FOLH1: variants seen among roughly 807,000 people sequenced by gnomAD.
FOLH1 encodes the protein folate hydrolase 1.
FOLH1 carries 54 observed loss-of-function variants against 93.9 expected under a neutral mutation model. The observed-to-expected ratio is 0.57, with a 90% CI of 0.46 to 0.72. The LOEUF (loss-of-function observed/expected upper bound fraction) is 0.72. Ranked by LOEUF, FOLH1 falls within the 30% of genes least tolerant of loss-of-function variation. The pLI, the probability that FOLH1 is intolerant of heterozygous loss-of-function variation, is 0.00. For synonymous variants in FOLH1, 249 were observed against 303.6 expected (o/e 0.82, Z 1.87); for missense variants, 571 against 892.5 (o/e 0.64, Z 4.59).
In FOLH1 at chr11:49,174,880, C is replaced by T. The variant is rs760831552; in HGVS notation, c.1105+12G>A. 34 of 1,594,506 alleles carry T rather than the reference C, an allele frequency of 2.1e-5. 1 individual carries two copies. The highest frequency in any genetic ancestry group is 2.0e-4 in the Admixed American group (12 of 58,790). ...ACTTGATCAATATTTGCTAAGCAAA[C>T]GATTCCTTTACCTGGTTCCACTGCT... On this transcript the variant is annotated intron_variant, in intron 9 of 18. Coordinates refer to ENST00000256999, the MANE Select transcript of FOLH1 (RefSeq NM_004476.3).
chr11:49,208,250 C>CG (rs1565227563), intron 1 of FOLH1, 42 bp downstream of exon 1: 1 of 1,382,650 alleles, frequency 7.2e-7, no homozygotes, highest in South Asian at 1.4e-5. Context: ...CGCGGCACCA[C>CG]GGGGAAGACT....
chr11:49,149,535 C>A (rs921346574), intron 17 of FOLH1, among the ~76,000 whole-genome samples: 1 of 152,114 alleles, frequency 6.6e-6, no homozygotes, highest in Non-Finnish European at 1.5e-5. Flanking sequence ...TTGTGGAACA[C>A]ATGGCTAGTA....
intron 3 of FOLH1, among the ~76,000 whole-genome samples, chr11:49,194,158 A>G (rs1377599833): frequency 6.6e-6 from 1 of 151,572 alleles, no homozygotes; most frequent in Non-Finnish European, 1.5e-5. Context: ...AAAAAAAAGA[A>G]CAACAATATC....
Position 49,153,920 on chromosome 11 carries a change from A to G in FOLH1, c.1896T>C (p.Leu632=). Residue 632 remains leucine (L), a synonymous_variant, in exon 17 of 19, where the codon CTT becomes CTC. Transcript: ENST00000256999. ...CTGTAAAATTCTTTACTGCAGAAAA[A>G]AGTGAATCTGAAATAGAAATTGGGA... ...MKTYSVSFDS[L]FSAVKNFTEI... is the part of the protein sequence containing the mutation. The G allele has an allele frequency of 6.2e-7, 1 of 1,602,928 alleles. No individual in the cohort carries two copies. Among genetic ancestry groups the G allele is most frequent in the Non-Finnish European group, 8.5e-7 (1 of 1,175,434 alleles).
At position 49,154,834 on chromosome 11, in the gene FOLH1, A is replaced by G. The variant is rs116039643; in HGVS notation, c.1624-342T>C. On this transcript the variant is annotated intron_variant, in intron 15 of 18. Transcript: ENST00000256999. ...CAAGACAATCTTGCATTTGGATAAA[A>G]AGAAGACGAATTGTTAAAGGCAAGT... Among the ~76,000 whole-genome samples the G allele has an allele frequency of 5.8e-3, 886 of 152,272 alleles. 10 individuals carry two copies. Among genetic ancestry groups the G allele is most frequent in the African/African-American group, 0.021 (858 of 41,574 alleles).
At chr11:49,148,557 T>C in intron 18 of FOLH1, 82 bp downstream of exon 18, 1 of 1,064,660 alleles carries the variant, frequency 9.4e-7, no homozygotes, top group Non-Finnish European at 1.4e-6. Context: ...TCAACTACAA[T>C]ATTTTTTCCA....
intron 7 of FOLH1, among the ~76,000 whole-genome samples, chr11:49,176,956 T>C (rs924915253): frequency 5.3e-5 from 8 of 152,236 alleles, no homozygotes; most frequent in African/African-American, 1.7e-4. Context: ...CCTGTAAGGC[T>C]TTCTCTGCGG....
At chr11:49,198,141 T>C (rs775064725) in intron 3 of FOLH1, among the ~76,000 whole-genome samples, 7 of 151,558 alleles carry the variant, frequency 4.6e-5, no homozygotes, top group East Asian at 1.9e-4. Flanking sequence ...AAATAAGCAA[T>C]GGTATAGTCA....
chr11:49,156,567 T>G, intron 15 of FOLH1, 150 bp downstream of exon 15: 1 of 966,898 alleles, frequency 1.0e-6, no homozygotes, highest in Non-Finnish European at 1.6e-6. Flanking sequence ...TTATCCTACG[T>G]AGTAGTGATA....
Position 49,146,694 on chromosome 11 carries a change from A to G in FOLH1, c.*62T>C, listed in dbSNP as rs1397903191. The stretch of plus-strand genomic sequence containing the variant: ...AATTTTAAAATTTATCAATATACCC[A>G]TTACGATTCTTTCTGAGTGACATAC... On this transcript the variant is annotated 3_prime_UTR_variant, in exon 19 of 19. Coordinates refer to ENST00000256999, the MANE Select transcript of FOLH1 (RefSeq NM_004476.3). The G allele has an allele frequency of 6.7e-7, 1 of 1,502,278 alleles. No individual in the cohort carries two copies. Among genetic ancestry groups the G allele is most frequent in the East Asian group, 2.3e-5 (1 of 43,396 alleles). The allele number at this position is 1,502,278 out of a possible 1,614,324, so 93.1% of individuals were successfully genotyped here. A position where few individuals can be genotyped will look rare whatever the true frequency, so the allele number is the denominator to read the frequency against.
chr11:49,164,383 A>G (rs1858107429), intron 13 of FOLH1, among the ~76,000 whole-genome samples: 1 of 152,212 alleles, frequency 6.6e-6, no homozygotes, highest in Admixed American at 6.5e-5. Flanking sequence ...GTTGAGCCAT[A>G]GGACCAAGTC....
intron 12 of FOLH1, among the ~76,000 whole-genome samples, chr11:49,167,583 T>G (rs886817256): frequency 1.3e-5 from 2 of 152,248 alleles, no homozygotes; most frequent in African/African-American, 4.8e-5. Flanking sequence ...GGGAGAACAA[T>G]GTGGATAGAC....
rs547439559 is a variant in FOLH1 at position 49,198,440 on chromosome 11, C to CCACTGCACTCCAGCCTGGGCGA, written c.411+1793_411+1814dup. On this transcript the variant is annotated intron_variant, in intron 3 of 18. Coordinates refer to ENST00000256999, the MANE Select transcript of FOLH1 (RefSeq NM_004476.3). Reference sequence around the variant, plus strand: ...GAGCTTGCAGTGAGCGGAGATACCGCCACTGCACTCCAGCCTGGGCGACAA... The same window carrying CCACTGCACTCCAGCCTGGGCGA: ...GAGCTTGCAGTGAGCGGAGATACCGCCACTGCACTCCAGCCTGGGCGACACTGCACTCCAGCCTGGGCGACAA... Among the ~76,000 whole-genome samples the CCACTGCACTCCAGCCTGGGCGA allele has an allele frequency of 4.7e-3, 706 of 151,812 alleles. 9 individuals are homozygous for CCACTGCACTCCAGCCTGGGCGA. The highest frequency in any genetic ancestry group is 0.016 in the African/African-American group (680 of 41,322).
chr11:49,156,067 T>A (rs1412244310), intron 15 of FOLH1, among the ~76,000 whole-genome samples: 1 of 151,624 alleles, frequency 6.6e-6, no homozygotes, highest in African/African-American at 2.4e-5. Context: ...TAAAGGGAAG[T>A]TCCCCTGTAT....
chr11:49,156,944 A>C (rs1435973398), intron 14 of FOLH1, 137 bp from the exon 15 acceptor site: 1 of 1,419,370 alleles, frequency 7.0e-7, no homozygotes, highest in Non-Finnish European at 9.5e-7. Context: ...TGCAGCAAAA[A>C]CATGAAAAGA....
intron 12 of FOLH1, 138 bp from the exon 13 acceptor site, chr11:49,164,910 A>T (rs1432839590): frequency 5.8e-6 from 4 of 694,612 alleles, no homozygotes; most frequent in Non-Finnish European, 9.9e-6. Context: ...TGGCTTCCCA[A>T]CTAACTCTGT....
At chr11:49,192,524 T>A (rs1466607440) in intron 4 of FOLH1, among the ~76,000 whole-genome samples, 15 of 152,346 alleles carry the variant, frequency 9.8e-5, no homozygotes, top group Non-Finnish European at 1.8e-4. Context: ...GGGATTTGGA[T>A]CACCCAGATG....
rs1864240503 is a variant in FOLH1 at position 49,208,563 on chromosome 11, G to A, written c.-154C>T. Reference sequence around the variant, plus strand: ...GGCTGGAATTCGCTCCAGACCTGGGGTCCAGTTTCTCCACCACAGCAGTGT... The same window carrying A: ...GGCTGGAATTCGCTCCAGACCTGGGATCCAGTTTCTCCACCACAGCAGTGT... On this transcript the variant is annotated 5_prime_UTR_variant, in exon 1 of 19. Coordinates refer to ENST00000256999, the MANE Select transcript of FOLH1 (RefSeq NM_004476.3). 9 of 540,980 alleles carry A rather than the reference G, an allele frequency of 1.7e-5. No homozygotes were observed. In the South Asian group the frequency reaches 2.3e-4, roughly 14 times the overall value. 33.5% of individuals were successfully genotyped at this position (540,980 alleles called of 1,614,324 possible).
rs377142674 is a variant in FOLH1, at chr11:49,200,284, T to C, written c.382A>G (p.Ile128Val). Reference sequence around the variant, plus strand: ...TTTCCATCTTCATTAATTATTGAGATGTAGTTGGGATGAGTCTTATTTGGG... The same window carrying C: ...TTTCCATCTTCATTAATTATTGAGACGTAGTTGGGATGAGTCTTATTTGGG... ...SYPNKTHPNY[I>V]SIINEDGNEI... is the part of the protein sequence containing the mutation. The change falls in exon 3 of 19, where the codon ATC becomes GTC. Residue 128 changes from isoleucine to valine, a missense_variant. This residue lies in a region of FOLH1 where 500 missense variants were observed against 822.9 expected (regional missense o/e 0.61). Coordinates refer to ENST00000256999, the MANE Select transcript of FOLH1 (RefSeq NM_004476.3). 1.9e-6 allele frequency: 3 copies of C among 1,594,294 alleles called. No homozygotes were observed. Among genetic ancestry groups the C allele is most frequent in the Non-Finnish European group, 2.6e-6 (3 of 1,169,734 alleles).
Sources: allele counts gnomAD v4.1 joint callset (sites outside exome capture counted in the v4.1 genomes callset), GRCh38; gene constraint gnomAD v4.1.1; regional missense constraint gnomAD v4.1.1; transcripts MANE v1.5; gene names NCBI Gene and HGNC (gene_info 2026-07-23, HGNC 2026-07-21).